ERBB4: variants seen among roughly 807,000 people sequenced by gnomAD.
ERBB4 encodes receptor tyrosine-protein kinase erbB-4.
ERBB4 carries 42 observed loss-of-function variants against 158.0 expected under a neutral mutation model. The observed-to-expected ratio is 0.27, with a 90% CI of 0.21 to 0.34. ERBB4 has a LOEUF of 0.34. Among genes scored for constraint, ERBB4 ranks in the 10% least tolerant of loss-of-function variants. ERBB4 has a pLI of 1.00. For missense variants in ERBB4, 1,333 were observed against 1,624.1 expected (o/e 0.82, Z 3.08); for synonymous variants, 583 against 558.7 (o/e 1.04, Z -0.61).
intron 2 of ERBB4, among the ~76,000 whole-genome samples, chr2:212,012,832 C>A (rs890937390): frequency 6.6e-6 from 1 of 152,014 alleles, no homozygotes; most frequent in Non-Finnish European, 1.5e-5. Context: ...GAAGTCCCAA[C>A]CTCACAGGCC....
At chr2:211,748,562 T>A (rs1225254338) in intron 5 of ERBB4, among the ~76,000 whole-genome samples, 1 of 152,182 alleles carries the variant, frequency 6.6e-6, no homozygotes, top group Non-Finnish European at 1.5e-5. Context: ...CCTTCCTCCC[T>A]CAGATCTATG....
intron 3 of ERBB4, among the ~76,000 whole-genome samples, chr2:211,826,478 TTATAC>T (rs1461288621): frequency 4.0e-5 from 6 of 151,792 alleles, no homozygotes; most frequent in Non-Finnish European, 7.4e-5. Context: ...TTATCTTCTC[TTATAC>T]TATATTATTT....
chr2:212,161,338 T>G (rs941259522), intron 1 of ERBB4, among the ~76,000 whole-genome samples: 1 of 151,906 alleles, frequency 6.6e-6, no homozygotes, highest in Non-Finnish European at 1.5e-5. Context: ...TTACTAGAAA[T>G]TATTACCACA....
At chr2:211,988,197 T>C (rs1182109258) in intron 2 of ERBB4, among the ~76,000 whole-genome samples, 3 of 152,126 alleles carry the variant, frequency 2.0e-5, no homozygotes, top group African/African-American at 7.2e-5. Context: ...TTACAATAAA[T>C]TTTTAATTTT....
chr2:211,936,788 C>T (rs890995822), intron 3 of ERBB4, among the ~76,000 whole-genome samples: 12 of 151,966 alleles, frequency 7.9e-5, no homozygotes, highest in Non-Finnish European at 1.5e-4. Flanking sequence ...AACTAGATCT[C>T]AAAAGAAAAC....
rs183584864 is a variant in ERBB4, at chr2:211,738,431, T to C, written c.622+12208A>G. On this transcript the variant is annotated intron_variant, in intron 5 of 27. Coordinates refer to ENST00000342788, the MANE Select transcript of ERBB4 (RefSeq NM_005235.3). ...TTGCCCAGGCTGGAGTGAAGTGGCA[T>C]GATCTCGGCTCACTGCAGCCTCCAC... Among the ~76,000 whole-genome samples the C allele has an allele frequency of 2.6e-3, 392 of 148,152 alleles. 1 individual carries two copies. The highest frequency in any genetic ancestry group is 9.1e-3 in the African/African-American group (370 of 40,818).
chr2:212,395,894 G>A (rs2091011849), intron 1 of ERBB4, among the ~76,000 whole-genome samples: 1 of 152,194 alleles, frequency 6.6e-6, no homozygotes, highest in East Asian at 1.9e-4. Context: ...TGGGATTACA[G>A]GTGTGAGCGA....
chr2:211,770,605 A>T (rs2106264716), intron 4 of ERBB4, among the ~76,000 whole-genome samples: 1 of 152,202 alleles, frequency 6.6e-6, no homozygotes, highest in East Asian at 1.9e-4. Context: ...TTTCAGAGAA[A>T]CAATGAAACC....
At chr2:211,617,011 T>G (rs2069415900) in intron 19 of ERBB4, among the ~76,000 whole-genome samples, 1 of 152,090 alleles carries the variant, frequency 6.6e-6, no homozygotes, top group Non-Finnish European at 1.5e-5. Flanking sequence ...TCTCCACTCT[T>G]GTTTCCATGG....
intron 25 of ERBB4, among the ~76,000 whole-genome samples, chr2:211,403,825 G>A (rs1318300761): frequency 6.6e-6 from 1 of 151,858 alleles, no homozygotes; most frequent in Non-Finnish European, 1.5e-5. Context: ...TCCAGCATGG[G>A]CTTTGAAGTA....
intron 20 of ERBB4, among the ~76,000 whole-genome samples, chr2:211,498,911 T>C (rs2065544057): frequency 1.3e-5 from 2 of 152,114 alleles, no homozygotes; most frequent in Non-Finnish European, 2.9e-5. Flanking sequence ...TGACAAGGTA[T>C]AACTGCTGAT....
At chr2:211,862,328 T>C (rs983563) in intron 3 of ERBB4, among the ~76,000 whole-genome samples, 34,119 of 152,128 alleles carry the variant, frequency 0.22, 3,992 homozygotes, top group South Asian at 0.33. Flanking sequence ...ATTAATGCTA[T>C]AACATCTGTT....
intron 12 of ERBB4, among the ~76,000 whole-genome samples, chr2:211,694,132 C>T (rs2072923219): frequency 6.6e-6 from 1 of 152,112 alleles, no homozygotes; most frequent in South Asian, 2.1e-4. Context: ...ACCCTATTCC[C>T]AAATATGGTC....
intron 1 of ERBB4, among the ~76,000 whole-genome samples, chr2:212,288,130 G>T (rs2086067187): frequency 6.6e-6 from 1 of 152,158 alleles, no homozygotes; most frequent in Admixed American, 6.6e-5. Context: ...TAGTAAGAGT[G>T]TCCTGCTGAC....
intron 17 of ERBB4, among the ~76,000 whole-genome samples, chr2:211,627,647 A>C (rs932748692): frequency 2.0e-5 from 3 of 152,204 alleles, no homozygotes; most frequent in Admixed American, 1.3e-4. Flanking sequence ...TCAGTGTTCA[A>C]AGGAGAAGTG....
intron 2 of ERBB4, among the ~76,000 whole-genome samples, chr2:211,996,116 G>T (rs4673646): frequency 2.6e-5 from 4 of 151,894 alleles, no homozygotes; most frequent in African/African-American, 7.3e-5. Context: ...GACTGTTAAG[G>T]TTTAGGTAGA....
At chr2:211,894,956 T>C (rs904826024) in intron 3 of ERBB4, among the ~76,000 whole-genome samples, 1 of 152,188 alleles carries the variant, frequency 6.6e-6, no homozygotes, top group African/African-American at 2.4e-5. Context: ...CCTCAGTTAA[T>C]TTGTTGCTAA....
At chr2:212,528,449 T>C (rs1692570648) in intron 1 of ERBB4, among the ~76,000 whole-genome samples, 1 of 152,148 alleles carries the variant, frequency 6.6e-6, no homozygotes, top group Non-Finnish European at 1.5e-5. Flanking sequence ...TAGGAGCATC[T>C]ACAAAATAAT....
intron 1 of ERBB4, among the ~76,000 whole-genome samples, chr2:212,459,327 C>G (rs1209019345): frequency 1.3e-5 from 2 of 151,156 alleles, no homozygotes; most frequent in East Asian, 3.9e-4. Context: ...GTAATCAAAA[C>G]TACACATAAT....
Sources: gnomAD v4.1 joint callset for allele counts (sites outside exome capture counted in the v4.1 genomes callset) on GRCh38, gnomAD v4.1.1 for gene constraint, MANE v1.5 for transcripts, NCBI Gene and HGNC (gene_info 2026-07-23, HGNC 2026-07-21) for gene names.